SLC7A2: variants seen among roughly 807,000 people sequenced by gnomAD.
SLC7A2 encodes the protein solute carrier family 7 member 2.
SLC7A2 carries 48 observed loss-of-function variants against 58.9 expected under a neutral mutation model. That is an observed-to-expected ratio of 0.82 (90% CI 0.65 to 1.04). The LOEUF is 1.04. SLC7A2 is among the 50% of genes least tolerant of loss of function. The pLI is 0.00. For missense variants in SLC7A2, 1,029 were observed against 818.8 expected, an observed-to-expected ratio of 1.26 and a Z score of -3.13; for synonymous variants, 363 against 314.5, an observed-to-expected ratio of 1.15 and a Z score of -1.63.
At chr8:17,537,844 G>A (rs1030919553) in intron 2 of SLC7A2, among the ~76,000 whole-genome samples, 2 of 152,270 alleles carry the variant, frequency 1.3e-5, no homozygotes, top group East Asian at 1.9e-4. Flanking sequence ...CAGGGACTCC[G>A]GTTACCAAGG....
intron 2 of SLC7A2, among the ~76,000 whole-genome samples, chr8:17,507,672 A>G (rs917116549): frequency 6.6e-6 from 1 of 152,196 alleles, no homozygotes; most frequent in African/African-American, 2.4e-5. Context: ...CAATTATTAC[A>G]TGTCAGTGAA....
At chr8:17,540,299 T>C (rs1170192064) in intron 2 of SLC7A2, among the ~76,000 whole-genome samples, 1 of 152,184 alleles carries the variant, frequency 6.6e-6, no homozygotes, top group Non-Finnish European at 1.5e-5. Context: ...GTTGAGATTG[T>C]TTGCAAAGGG....
rs371274634 is a variant in SLC7A2, at chr8:17,532,826, A to T, written c.-22-10492A>T. Among the ~76,000 whole-genome samples the T allele has an allele frequency of 2.0e-5, 3 of 152,318 alleles. No homozygotes were observed. The East Asian group carries it at 5.8e-4, about 29-fold the overall frequency. On this transcript the variant is annotated intron_variant, in intron 2 of 12. Coordinates refer to ENST00000494857, the MANE Select transcript of SLC7A2 (RefSeq NM_001370338.1). ...ATCTAAGCAAAAATTTTAAAAATAT[A>T]TCCATATACACATATATCGTACTAC...
chr8:17,560,968 T>TCAGG (rs1474018227), intron 10 of SLC7A2, among the ~76,000 whole-genome samples: 8 of 152,156 alleles, frequency 5.3e-5, no homozygotes, highest in African/African-American at 4.8e-5. Flanking sequence ...TGCGTGTGTG[T>TCAGG]CAGGCACTCC....
In SLC7A2 at chr8:17,565,259, T is replaced by TTCACCCTAATTTATACTTAC. The variant is rs1803214565; in HGVS notation, c.*117_*136dup. The TTCACCCTAATTTATACTTAC allele has an allele frequency of 3.9e-6, 3 of 773,098 alleles. No homozygotes were observed. In the Admixed American group the frequency reaches 8.7e-5, roughly 23 times the overall value. The allele number at this position is 773,098 out of a possible 1,614,324, so 47.9% of individuals were successfully genotyped here. ...TGTCATGGGTTTGCTGCATACATAGTTCACCCTAATTTATACTTACTCATC... is the reference window on the plus strand; with the variant it reads ...TGTCATGGGTTTGCTGCATACATAGTTCACCCTAATTTATACTTACTCACCCTAATTTATACTTACTCATC... On this transcript the variant is annotated 3_prime_UTR_variant, in exon 13 of 13. Coordinates refer to ENST00000494857, the MANE Select transcript of SLC7A2 (RefSeq NM_001370338.1).
At chr8:17,541,544 A>G (rs552316883) in intron 2 of SLC7A2, among the ~76,000 whole-genome samples, 2 of 152,234 alleles carry the variant, frequency 1.3e-5, no homozygotes, top group East Asian at 3.9e-4. Flanking sequence ...ATTTCTCCTT[A>G]GGCTTTTCTT....
intron 2 of SLC7A2, among the ~76,000 whole-genome samples, chr8:17,518,834 T>C (rs1219471994): frequency 6.6e-6 from 1 of 152,118 alleles, no homozygotes; most frequent in Non-Finnish European, 1.5e-5. Context: ...GACTGGGGGC[T>C]TAAACAACAG....
intron 4 of SLC7A2, among the ~76,000 whole-genome samples, chr8:17,547,125 A>G (rs1021868073): frequency 2.6e-5 from 4 of 152,220 alleles, no homozygotes; most frequent in Non-Finnish European, 5.9e-5. Flanking sequence ...TCATACTGCT[A>G]TGAAGAAATA....
chr8:17,506,063 T>C (rs550710552), intron 2 of SLC7A2, among the ~76,000 whole-genome samples: 28 of 152,380 alleles, frequency 1.8e-4, no homozygotes, highest in African/African-American at 6.7e-4. Flanking sequence ...TGTAATGTTT[T>C]ATTGCAAAAG....
chr8:17,539,005 A>G, intron 2 of SLC7A2: 1 of 1,283,284 alleles, frequency 7.8e-7, no homozygotes, highest in Non-Finnish European at 1.1e-6. Context: ...GAGGAAGGGA[A>G]AGATTCATTT....
chr8:17,514,355 C>T (rs776333845), intron 2 of SLC7A2, among the ~76,000 whole-genome samples: 1 of 152,066 alleles, frequency 6.6e-6, no homozygotes, highest in Non-Finnish European at 1.5e-5. Context: ...GAGTCCCTGA[C>T]ATTGTGGGAA....
At chr8:17,551,135 T>C (rs1252856114) in intron 6 of SLC7A2, among the ~76,000 whole-genome samples, 4 of 152,250 alleles carry the variant, frequency 2.6e-5, no homozygotes, top group Non-Finnish European at 4.4e-5. Flanking sequence ...TGCTATTCTA[T>C]CGCTGAACAC....
chr8:17,555,135 G>C (rs78325546), intron 8 of SLC7A2: 1 of 1,564,290 alleles, frequency 6.4e-7, no homozygotes, highest in Non-Finnish European at 8.8e-7. Context: ...CATTTAATTC[G>C]CATGCATGGA....
chr8:17,546,233 A>G (rs1218632720), intron 4 of SLC7A2, among the ~76,000 whole-genome samples: 1 of 152,244 alleles, frequency 6.6e-6, no homozygotes, highest in African/African-American at 2.4e-5. Context: ...TAGCTGTGAC[A>G]CAATTAGAAC....
At chr8:17,514,326 A>T (rs1800717514) in intron 2 of SLC7A2, among the ~76,000 whole-genome samples, 1 of 110,340 alleles carries the variant, frequency 9.1e-6, no homozygotes, top group Non-Finnish European at 2.3e-5. Flanking sequence ...TTGATCCAAC[A>T]TTTATAGAGA....
chr8:17,540,369 A>G (rs952816226), intron 2 of SLC7A2, among the ~76,000 whole-genome samples: 5 of 152,196 alleles, frequency 3.3e-5, no homozygotes, highest in African/African-American at 1.2e-4. Context: ...ATTACTCAAA[A>G]GCAAATGAAT....
intron 1 of SLC7A2, among the ~76,000 whole-genome samples, chr8:17,497,675 G>A (rs562662202): frequency 1.3e-5 from 2 of 152,332 alleles, no homozygotes; most frequent in South Asian, 2.1e-4. Context: ...GCACGCTGCC[G>A]GGGTCCCCGA....
rs1014304131 is a variant in SLC7A2, at chr8:17,521,206, A to T, written c.-23+18904A>T. 2.6e-5 allele frequency among the ~76,000 whole-genome samples: 4 copies of T among 152,170 alleles called. No individual in the cohort carries two copies. The South Asian group carries it at 8.3e-4, about 32-fold the overall frequency. ...AATATGAAATTGTATATTTTGATAG[A>T]GGGAGGTCAAATAAATGTTTATATT... On this transcript the variant is annotated intron_variant, in intron 2 of 12. Transcript: ENST00000494857.
At chr8:17,512,229 GAC>G (rs1451686593) in intron 2 of SLC7A2, among the ~76,000 whole-genome samples, 4 of 151,950 alleles carry the variant, frequency 2.6e-5, no homozygotes, top group African/African-American at 9.7e-5. Flanking sequence ...AGGCCCTGGA[GAC>G]ACACAGTCCA....
Sources: allele counts gnomAD v4.1 joint callset (sites outside exome capture counted in the v4.1 genomes callset), GRCh38; gene constraint gnomAD v4.1.1; transcripts MANE v1.5; gene names NCBI Gene and HGNC (gene_info 2026-07-23, HGNC 2026-07-21).